HDAC9: variants seen among roughly 807,000 people sequenced by gnomAD.
The protein encoded by HDAC9 is histone deacetylase 9.
In HDAC9, 41 loss-of-function variants were observed where a neutral mutation model predicts 139.4. The observed-to-expected ratio is 0.29, with a 90% CI of 0.23 to 0.38. The LOEUF (loss-of-function observed/expected upper bound fraction) is 0.38. HDAC9 is among the 10% of genes least tolerant of loss of function. HDAC9 has a pLI of 1.00. For synonymous variants in HDAC9, 517 were observed against 476.2 expected, an observed-to-expected ratio of 1.09 and a Z score of -1.12; for missense variants, 1,147 against 1,297.0, an observed-to-expected ratio of 0.88 and a Z score of 1.78.
At chr7:18,484,839 C>T (rs578151665) in intron 1 of HDAC9, among the ~76,000 whole-genome samples, 1 of 146,822 alleles carries the variant, frequency 6.8e-6, no homozygotes. Flanking sequence ...GATGACAGAG[C>T]AAGACCCCAC....
intron 1 of HDAC9, among the ~76,000 whole-genome samples, chr7:18,159,221 T>G (rs1057380050): frequency 2.6e-5 from 4 of 152,234 alleles, no homozygotes; most frequent in Admixed American, 6.5e-5. Context: ...TTCTATTACA[T>G]GTTTTGATAA....
chr7:18,510,717 C>A (rs528166158), intron 2 of HDAC9, among the ~76,000 whole-genome samples: 1 of 152,008 alleles, frequency 6.6e-6, no homozygotes, highest in South Asian at 2.1e-4. Flanking sequence ...GAAAAATTAT[C>A]TAAAGTAAAA....
chr7:18,697,378 A>T (rs1463335179), intron 12 of HDAC9, among the ~76,000 whole-genome samples: 5 of 152,172 alleles, frequency 3.3e-5, no homozygotes, highest in African/African-American at 1.2e-4. Flanking sequence ...AGTATAAAAA[A>T]CAGGTGAAAC....
chr7:18,216,064 A>G (rs923044494), intron 2 of HDAC9, among the ~76,000 whole-genome samples: 5 of 151,270 alleles, frequency 3.3e-5, no homozygotes, highest in Non-Finnish European at 7.4e-5. Flanking sequence ...TTTTAGGTGT[A>G]TGCAGCATGA....
chr7:18,716,442 T>A (rs1308984148), intron 12 of HDAC9, among the ~76,000 whole-genome samples: 1 of 152,252 alleles, frequency 6.6e-6, no homozygotes, highest in East Asian at 1.9e-4. Flanking sequence ...TAGTTTCTTT[T>A]GTATTTTGTA....
chr7:18,674,501 T>C (rs1333421238), intron 12 of HDAC9, among the ~76,000 whole-genome samples: 2 of 152,106 alleles, frequency 1.3e-5, no homozygotes, highest in East Asian at 3.9e-4. Flanking sequence ...CATGTAATTC[T>C]TATTTATCAT....
chr7:18,988,614 T>A (rs1261222124), intron 25 of HDAC9, among the ~76,000 whole-genome samples: 1 of 152,168 alleles, frequency 6.6e-6, no homozygotes, highest in Non-Finnish European at 1.5e-5. Flanking sequence ...TTCCTGAGTA[T>A]CCTTGTTTAC....
At chr7:18,847,386 T>G (rs1796982798) in intron 21 of HDAC9, among the ~76,000 whole-genome samples, 1 of 152,174 alleles carries the variant, frequency 6.6e-6, no homozygotes, top group Non-Finnish European at 1.5e-5. Flanking sequence ...CGTTTATTTT[T>G]AAGGACTGAA....
chr7:18,661,270 A>C (rs1793043291), intron 11 of HDAC9, among the ~76,000 whole-genome samples: 1 of 152,170 alleles, frequency 6.6e-6, no homozygotes, highest in Non-Finnish European at 1.5e-5. Context: ...AAAGCTGTTT[A>C]CTCAAATGAG....
chr7:18,166,156 A>G (rs1160299), intron 2 of HDAC9, among the ~76,000 whole-genome samples: 41,384 of 152,190 alleles, frequency 0.27, 6,728 homozygotes, highest in Non-Finnish European at 0.35. Flanking sequence ...TTTTCCAAGC[A>G]TAGAACACAA....
chr7:18,422,870 T>G (rs998059141), intron 1 of HDAC9, among the ~76,000 whole-genome samples: 1 of 152,152 alleles, frequency 6.6e-6, no homozygotes, highest in African/African-American at 2.4e-5. Context: ...TGTTAATAAT[T>G]TTACTGCTTC....
At chr7:18,993,940 G>C (rs1173106768) in intron 25 of HDAC9, among the ~76,000 whole-genome samples, 2 of 152,216 alleles carry the variant, frequency 1.3e-5, no homozygotes, top group Non-Finnish European at 2.9e-5. Flanking sequence ...ATTTCAAAGA[G>C]AGGAAAAGGC....
rs143942613 is a variant in HDAC9, at chr7:18,580,176, G to A, written c.23-5105G>A. ...TTGAAAGCTAAACGTGAATGTTCAT[G>A]TTCATGCTCAAATAAATGTAATTAT... is the stretch of plus-strand genomic sequence containing the variant. On this transcript the variant is annotated intron_variant, in intron 2 of 25. Coordinates refer to ENST00000686413, the MANE Select transcript of HDAC9 (RefSeq NM_178425.4). 3.0e-3 allele frequency among the ~76,000 whole-genome samples: 450 copies of A among 152,286 alleles called. 3 individuals are homozygous for A. The highest frequency in any genetic ancestry group is 0.01 in the African/African-American group (429 of 41,550).
intron 2 of HDAC9, among the ~76,000 whole-genome samples, chr7:18,180,128 C>T (rs1789274473): frequency 6.6e-6 from 1 of 151,978 alleles, no homozygotes; most frequent in Non-Finnish European, 1.5e-5. Flanking sequence ...ATCCTACCCC[C>T]AGTAGTGAGC....
intron 1 of HDAC9, among the ~76,000 whole-genome samples, chr7:18,134,956 T>G (rs1470785450): frequency 6.6e-6 from 1 of 152,216 alleles, no homozygotes; most frequent in Non-Finnish European, 1.5e-5. Context: ...TTATAGTCAG[T>G]TTACGAATAT....
intron 2 of HDAC9, among the ~76,000 whole-genome samples, chr7:18,527,232 T>A (rs1030408811): frequency 6.6e-6 from 1 of 152,178 alleles, no homozygotes; most frequent in African/African-American, 2.4e-5. Flanking sequence ...TTTGAAATGC[T>A]ACCTGATACT....
At chr7:18,221,196 C>G (rs13225741) in intron 2 of HDAC9, among the ~76,000 whole-genome samples, 23,599 of 150,976 alleles carry the variant, frequency 0.16, 2,210 homozygotes, top group Non-Finnish European at 0.21. Flanking sequence ...TCCTCCGCCT[C>G]CCAGGTTCAA....
chr7:18,727,930 A>C (rs1166969109), intron 13 of HDAC9, among the ~76,000 whole-genome samples, 173 bp downstream of exon 13: 5 of 152,310 alleles, frequency 3.3e-5, no homozygotes, highest in African/African-American at 1.2e-4. Flanking sequence ...ACATCTGATA[A>C]ATCTTGGGCT....
At position 18,158,918 on chromosome 7, in the gene HDAC9, A is replaced by G. The variant is rs536263412; in HGVS notation, c.-96-3311A>G. ...TTGTTGCTCCGTGCTACATCTGAAT[A>G]TATTACAGTAGTAACGTACTTTCAG... On this transcript the variant is annotated intron_variant, in intron 1 of 12. Transcript: ENST00000417496. 4.6e-5 allele frequency among the ~76,000 whole-genome samples: 7 copies of G among 152,354 alleles called. No homozygotes were observed. The East Asian group carries it at 5.8e-4, about 13-fold the overall frequency.
Sources: gnomAD v4.1 joint callset for allele counts (sites outside exome capture counted in the v4.1 genomes callset) on GRCh38, gnomAD v4.1.1 for gene constraint, MANE v1.5 for transcripts, NCBI Gene and HGNC (gene_info 2026-07-23, HGNC 2026-07-21) for gene names.